Variants in FHOD3 observed in about 807,000 individuals in gnomAD.
FHOD3 encodes formin homology 2 domain containing 3, also known as FH1/FH2 domain-containing protein 3.
A neutral mutation model predicts 173.0 loss-of-function variants in FHOD3; 90 were observed. The observed-to-expected ratio is 0.52, with a 90% CI of 0.44 to 0.62. The LOEUF (loss-of-function observed/expected upper bound fraction) is 0.62. Ranked by LOEUF, FHOD3 falls within the 20% of genes least tolerant of loss-of-function variation. The pLI is 0.00. For missense variants in FHOD3, 1,945 were observed against 2,034.7 expected (o/e 0.96, Z 0.85); for synonymous variants, 828 against 823.0 (o/e 1.01, Z -0.10).
intron 10 of FHOD3, among the ~76,000 whole-genome samples, chr18:36,636,678 A>G (rs2034912108): frequency 2.1e-5 from 3 of 143,110 alleles, no homozygotes. Flanking sequence ...TTTTCCAGCC[A>G]TGTGGTTCTG....
At chr18:36,538,584 G>A (rs999371065) in intron 5 of FHOD3, among the ~76,000 whole-genome samples, 2 of 152,166 alleles carry the variant, frequency 1.3e-5, no homozygotes, top group African/African-American at 2.4e-5. Flanking sequence ...CCCTCAGTAG[G>A]TTAATGGTTA....
intron 19 of FHOD3, among the ~76,000 whole-genome samples, chr18:36,721,885 A>G (rs954441265): frequency 2.0e-5 from 3 of 152,204 alleles, no homozygotes; most frequent in Non-Finnish European, 4.4e-5. Context: ...AGCACAAAAC[A>G]AAGAGAATTG....
At chr18:36,549,207 G>A (rs2057536138) in intron 5 of FHOD3, among the ~76,000 whole-genome samples, 1 of 152,042 alleles carries the variant, frequency 6.6e-6, no homozygotes, top group Non-Finnish European at 1.5e-5. Flanking sequence ...GTGCTTATTT[G>A]CTATCCATCC....
chr18:36,419,029 T>C (rs956753095), intron 3 of FHOD3, among the ~76,000 whole-genome samples: 4 of 151,448 alleles, frequency 2.6e-5, no homozygotes. Context: ...AGGGGAAGAG[T>C]AAAAAACGTG....
At chr18:36,681,610 A>T (rs201418593) in intron 15 of FHOD3, 40 bp downstream of exon 15, 1 of 1,530,548 alleles carries the variant, frequency 6.5e-7, no homozygotes, top group Non-Finnish European at 8.7e-7. Context: ...TAGTGAGTTA[A>T]AAATTAAAGG....
intron 20 of FHOD3, among the ~76,000 whole-genome samples, chr18:36,735,068 T>A (rs1227244465): frequency 6.6e-6 from 1 of 152,178 alleles, no homozygotes; most frequent in Non-Finnish European, 1.5e-5. Flanking sequence ...TTATCATAAA[T>A]GGAAGTATGA....
At chr18:36,423,040 G>A (rs1284594935) in intron 3 of FHOD3, among the ~76,000 whole-genome samples, 1 of 151,946 alleles carries the variant, frequency 6.6e-6, no homozygotes, top group African/African-American at 2.4e-5. Context: ...CAGTTTCTCT[G>A]CCATTCCTGG....
intron 1 of FHOD3, among the ~76,000 whole-genome samples, chr18:36,323,445 G>A (rs989977439): frequency 3.3e-5 from 5 of 152,148 alleles, no homozygotes; most frequent in Middle Eastern, 3.2e-3. Flanking sequence ...GCTAGTTTGG[G>A]GGTCATAGCC....
chr18:36,398,852 T>A (rs374052269), intron 3 of FHOD3, among the ~76,000 whole-genome samples: 1 of 151,832 alleles, frequency 6.6e-6, no homozygotes, highest in Non-Finnish European at 1.5e-5. Flanking sequence ...TACATTTCAG[T>A]GTGTTGTGAG....
Position 36,355,413 on chromosome 18 carries a change from T to G in FHOD3, c.166-126T>G, listed in dbSNP as rs2046314023. On this transcript the variant is annotated intron_variant, in intron 1 of 28. Coordinates refer to ENST00000590592, the MANE Select transcript of FHOD3 (RefSeq NM_001281740.3). ...TGCACTAACATACTAGCTCTTCAAG[T>G]TATGATCCACATTTCAGAACATTGC... 4.2e-6 allele frequency: 3 copies of G among 721,022 alleles called. No individual in the cohort carries two copies. In the South Asian group the frequency reaches 5.3e-5, roughly 13 times the overall value. The allele number at this position is 721,022 out of a possible 1,614,324, so 44.7% of individuals were successfully genotyped here. A position where few individuals can be genotyped will look rare whatever the true frequency, so the allele number is the denominator to read the frequency against.
At chr18:36,573,097 A>T (rs1321185879) in intron 5 of FHOD3, among the ~76,000 whole-genome samples, 1 of 151,920 alleles carries the variant, frequency 6.6e-6, no homozygotes, top group Non-Finnish European at 1.5e-5. Flanking sequence ...TAGTAAAAAA[A>T]TTCTAAAAAC....
intron 6 of FHOD3, among the ~76,000 whole-genome samples, chr18:36,581,740 G>T (rs1489874537): frequency 6.6e-6 from 1 of 152,134 alleles, no homozygotes; most frequent in East Asian, 1.9e-4. Context: ...ATACATTAGA[G>T]AACCTATGAG....
At chr18:36,604,904 A>G (rs1361852799) in intron 8 of FHOD3, among the ~76,000 whole-genome samples, 1 of 152,238 alleles carries the variant, frequency 6.6e-6, no homozygotes, top group African/African-American at 2.4e-5. Context: ...AATTCAGTAG[A>G]AAAATGAAAG....
At chr18:36,570,549 G>T (rs2147872779) in intron 5 of FHOD3, among the ~76,000 whole-genome samples, 1 of 152,088 alleles carries the variant, frequency 6.6e-6, no homozygotes, top group African/African-American at 2.4e-5. Context: ...CATTTTATGA[G>T]GTCAGTATTA....
chr18:36,610,146 G>A (rs1050704628), intron 8 of FHOD3, among the ~76,000 whole-genome samples: 3 of 152,170 alleles, frequency 2.0e-5, no homozygotes, highest in South Asian at 2.1e-4. Flanking sequence ...TGGCCCCCAC[G>A]CTGCTGTGTA....
chr18:36,747,015 T>A lies in FHOD3; in HGVS notation c.4112T>A (p.Leu1371His), dbSNP rs2042184338. The A allele has an allele frequency of 6.2e-7, 1 of 1,614,046 alleles. No homozygotes were observed. The highest frequency in any genetic ancestry group is 2.2e-5 in the East Asian group (1 of 44,872). Reference protein sequence around the residue: ...ERRCKASWDHLKAIAKHEMKP... With the variant: ...ERRCKASWDHHKAIAKHEMKP... ...AGATGCAAAGCTTCATGGGATCACC[T>A]CAAGGCAATTGCAAAACATGAAATG... The change falls in exon 24 of 29, where the codon CTC becomes CAC. Residue 1371 changes from leucine (L) to histidine (H), a missense_variant. By Grantham distance (99) the Leu-to-His change is moderately conservative. Coordinates refer to ENST00000590592, the MANE Select transcript of FHOD3 (RefSeq NM_001281740.3).
At chr18:36,385,149 A>C (rs906598311) in intron 3 of FHOD3, among the ~76,000 whole-genome samples, 1 of 152,250 alleles carries the variant, frequency 6.6e-6, no homozygotes, top group African/African-American at 2.4e-5. Context: ...GGGGAAATAC[A>C]TTGTGGAACT....
At chr18:36,610,134 G>A (rs1341829820) in intron 8 of FHOD3, among the ~76,000 whole-genome samples, 1 of 152,190 alleles carries the variant, frequency 6.6e-6, no homozygotes, top group Non-Finnish European at 1.5e-5. Flanking sequence ...TGTGCCTGGG[G>A]CTGGCCCCCA....
At position 36,549,532 on chromosome 18, in the gene FHOD3, C is replaced by CTTTTTTT. The variant is rs386387404; in HGVS notation, c.512-26902_512-26896dup. Among the ~76,000 whole-genome samples, 90 of 71,232 alleles carry CTTTTTTT rather than the reference C, an allele frequency of 1.3e-3. 1 individual carries two copies. Among genetic ancestry groups the CTTTTTTT allele is most frequent in the African/African-American group, 1.8e-3 (32 of 17,440 alleles). The allele number at this position is 71,232 out of a possible 152,430, so 46.7% of individuals were successfully genotyped here. A position where few individuals can be genotyped will look rare whatever the true frequency, so the allele number is the denominator to read the frequency against. On this transcript the variant is annotated intron_variant, in intron 5 of 28. Transcript: ENST00000590592. ...ACATTTAGTGTCAGATCTAAGAAAT[C>CTTTTTTT]TTTTTTTTTTTTTTTTTTTTTTTGA...
Sources: allele counts gnomAD v4.1 joint callset (sites outside exome capture counted in the v4.1 genomes callset), GRCh38; gene constraint gnomAD v4.1.1; transcripts MANE v1.5; gene names NCBI Gene and HGNC (gene_info 2026-07-23, HGNC 2026-07-21).